The following MSN variants were observed in gnomAD, a reference collection of about 807,000 sequenced individuals.
MSN encodes epididymis luminal protein 70.
In MSN, 2 loss-of-function variants were observed where a neutral mutation model predicts 48.0. That is an observed-to-expected ratio of 0.04 (90% CI 0.02 to 0.13). MSN has a LOEUF of 0.13. MSN is among the 10% of genes least tolerant of loss of function. The probability of loss-of-function intolerance (pLI) is 1.00; values close to 1 mark genes in which losing one functional copy is unlikely to be tolerated. For synonymous variants in MSN, 146 were observed against 166.9 expected, an observed-to-expected ratio of 0.87 and a Z score of 0.97; for missense variants, 267 against 470.1, an observed-to-expected ratio of 0.57 and a Z score of 3.99.
At chrX:65,736,385 G>T (rs912443716) in intron 8 of MSN, among the ~76,000 whole-genome samples, 1 of 109,809 alleles carries the variant, frequency 9.1e-6, no homozygotes, top group East Asian at 2.8e-4. Flanking sequence ...TAAGTGTGTT[G>T]GGAAGGTTGG....
At chrX:65,622,378 G>A (rs1248312239) in intron 1 of MSN, among the ~76,000 whole-genome samples, 1 of 110,161 alleles carries the variant, frequency 9.1e-6, no homozygotes, top group Non-Finnish European at 1.9e-5. Context: ...GGGATTACAG[G>A]CATGAGCCAC....
chrX:65,703,692 G>T (rs1212808783), intron 1 of MSN, among the ~76,000 whole-genome samples: 1 of 111,816 alleles, frequency 8.9e-6, no homozygotes, highest in Non-Finnish European at 1.9e-5. Flanking sequence ...AGCCTCCTAA[G>T]TAAGTATTAG....
chrX:65,653,294 A>G (rs1289853888), intron 1 of MSN, among the ~76,000 whole-genome samples: 1 of 111,182 alleles, frequency 9.0e-6, no homozygotes, highest in African/African-American at 3.3e-5. Flanking sequence ...ATGGCCCCGC[A>G]TTTTCCCCAC....
At chrX:65,613,534 C>T (rs993672034) in intron 1 of MSN, among the ~76,000 whole-genome samples, 1 of 112,667 alleles carries the variant, frequency 8.9e-6, no homozygotes, top group Non-Finnish European at 1.9e-5. Flanking sequence ...TCTACAGCAT[C>T]TGTTTCCTGA....
At chrX:65,617,540 A>G (rs2070386678) in intron 1 of MSN, among the ~76,000 whole-genome samples, 1 of 106,588 alleles carries the variant, frequency 9.4e-6, no homozygotes, top group Non-Finnish European at 1.9e-5. Flanking sequence ...TTTCTGTGGG[A>G]TTGGTGGTGA....
intron 1 of MSN, among the ~76,000 whole-genome samples, chrX:65,623,777 A>G (rs926510655): frequency 9.5e-6 from 1 of 105,674 alleles, no homozygotes; most frequent in Admixed American, 1.0e-4. Context: ...GTGCCATTGC[A>G]CTCCAGCCTG....
At chrX:65,652,340 G>T (rs768161099) in intron 1 of MSN, among the ~76,000 whole-genome samples, 31 of 111,796 alleles carry the variant, frequency 2.8e-4, no homozygotes, top group African/African-American at 9.4e-4. Flanking sequence ...GAGGCCTGGA[G>T]CTGGACAAGT....
At chrX:65,670,932 A>G (rs868637698) in intron 1 of MSN, among the ~76,000 whole-genome samples, 1 of 61,649 alleles carries the variant, frequency 1.6e-5, no homozygotes, top group South Asian at 9.7e-4. Context: ...ATATATATAT[A>G]TATATATATA....
At chrX:65,702,347 T>C (rs2071314723) in intron 1 of MSN, among the ~76,000 whole-genome samples, 1 of 107,427 alleles carries the variant, frequency 9.3e-6, no homozygotes, top group Non-Finnish European at 1.9e-5. Context: ...GTTTCCCTTC[T>C]ATCAGACATC....
intron 1 of MSN, among the ~76,000 whole-genome samples, chrX:65,645,724 A>G (rs771504524): frequency 5.4e-5 from 6 of 111,316 alleles, no homozygotes; most frequent in African/African-American, 2.0e-4. Flanking sequence ...GAAGGAGGAA[A>G]CATTGAGATA....
intron 1 of MSN, among the ~76,000 whole-genome samples, chrX:65,684,492 G>A (rs2071091362): frequency 9.4e-6 from 1 of 106,835 alleles, no homozygotes; most frequent in East Asian, 2.9e-4. Flanking sequence ...AGGCTGGAGT[G>A]CAATGGCGCG....
At chrX:65,650,559 C>G (rs2070735091) in intron 1 of MSN, among the ~76,000 whole-genome samples, 1 of 112,148 alleles carries the variant, frequency 8.9e-6, no homozygotes, top group African/African-American at 3.2e-5. Flanking sequence ...TAAGGCATGC[C>G]CAAGATTCAT....
intron 1 of MSN, among the ~76,000 whole-genome samples, chrX:65,649,245 A>T (rs1296287036): frequency 1.1e-5 from 1 of 94,739 alleles, no homozygotes; most frequent in Non-Finnish European, 2.0e-5. Flanking sequence ...GCTTAAAAAA[A>T]TTTATATATA....
intron 1 of MSN, among the ~76,000 whole-genome samples, chrX:65,597,374 T>A (rs912638844): frequency 1.9e-5 from 2 of 108,021 alleles, no homozygotes; most frequent in Admixed American, 1.0e-4. Flanking sequence ...TGAGACAGGG[T>A]CTGGCCCTAT....
rs191919601 is a variant in MSN, at chrX:65,690,499, G to A, written c.12+22646G>A. 1.1e-3 allele frequency among the ~76,000 whole-genome samples: 123 copies of A among 111,867 alleles called. 2 individuals carry two copies. The highest frequency in any genetic ancestry group is 4.0e-3 in the African/African-American group (123 of 30,757). ...GCCCTTTTTAGAGAGTGAGTTCACCGTCTGGGCGTGAGCAGACCAGTGGTT... is the reference window on the plus strand; with the variant it reads ...GCCCTTTTTAGAGAGTGAGTTCACCATCTGGGCGTGAGCAGACCAGTGGTT... On this transcript the variant is annotated intron_variant, in intron 1 of 12. Coordinates refer to ENST00000360270, the MANE Select transcript of MSN (RefSeq NM_002444.3).
At chrX:65,660,108 G>A (rs1233496537) in intron 1 of MSN, among the ~76,000 whole-genome samples, 2 of 111,675 alleles carry the variant, frequency 1.8e-5, no homozygotes, top group African/African-American at 6.5e-5. Flanking sequence ...TGGAGACAGG[G>A]GCGTAACTGA....
intron 1 of MSN, among the ~76,000 whole-genome samples, chrX:65,608,284 A>G (rs2070293745): frequency 9.0e-6 from 1 of 111,370 alleles, no homozygotes; most frequent in Non-Finnish European, 1.9e-5. Context: ...AGGGAGGAGC[A>G]TGAGGCAGGG....
rs891189311 is a variant in MSN, at chrX:65,647,093, C to T, written c.-22+58481C>T. Among the ~76,000 whole-genome samples the T allele has an allele frequency of 7.2e-5, 8 of 111,872 alleles. No individual in the cohort carries two copies. In the Admixed American group the frequency reaches 7.6e-4, roughly 11 times the overall value. On this transcript the variant is annotated intron_variant, in intron 1 of 3. Transcript: ENST00000609672. ...AAACACTGTTCCTGCCTTAATGAAA[C>T]TTATGGTTTACTTGGGGAGACAGAC...
intron 1 of MSN, among the ~76,000 whole-genome samples, chrX:65,698,642 C>T (rs920225244): frequency 4.5e-5 from 5 of 112,226 alleles, no homozygotes; most frequent in African/African-American, 1.6e-4. Flanking sequence ...ATGTAGCTAG[C>T]TTCCTGTGCA....
Sources: allele counts gnomAD v4.1 joint callset (sites outside exome capture counted in the v4.1 genomes callset), GRCh38; gene constraint gnomAD v4.1.1; transcripts MANE v1.5; gene names NCBI Gene and HGNC (gene_info 2026-07-23, HGNC 2026-07-21).